The following SKIC2 variants were observed in gnomAD, a reference collection of about 807,000 sequenced individuals.
The protein encoded by SKIC2 is SKI2 subunit of superkiller complex.
At chr6:31,959,689 A>G in the SKIC2 span, 1 of 550,590 alleles carries the variant, frequency 1.8e-6, no homozygotes, top group Non-Finnish European at 3.2e-6. Context: ...GACTGAGATG[A>G]TAGGCTTTGA....
chr6:31,965,855 C>A, the SKIC2 span: 1 of 1,612,730 alleles, frequency 6.2e-7, no homozygotes, highest in South Asian at 1.1e-5. This position sits in a 1 kb window ranked among gnomAD's most constrained non-coding sequence, Gnocchi z 5.6. Flanking sequence ...TGACTCCATG[C>A]GCAAACACGA....
the SKIC2 span, chr6:31,961,773 C>T: frequency 2.6e-6 from 4 of 1,549,792 alleles, no homozygotes; most frequent in Non-Finnish European, 1.8e-6. Flanking sequence ...TCAGATCCAT[C>T]CCAGGCCAGT....
chr6:31,969,474 C>A, the SKIC2 span: 4 of 1,613,408 alleles, frequency 2.5e-6, no homozygotes, highest in Non-Finnish European at 3.4e-6. This position sits in a 1 kb window ranked among gnomAD's most constrained non-coding sequence, Gnocchi z 6.1. Context: ...AGAACCTGCC[C>A]AGGCTGAGTG....
At chr6:31,962,595 G>A in the SKIC2 span, 2 of 1,611,622 alleles carry the variant, frequency 1.2e-6, no homozygotes, top group South Asian at 2.2e-5. The surrounding 1 kb of genome is among the most constrained non-coding windows in gnomAD (Gnocchi z 5.0). Flanking sequence ...GGTGAGAGAT[G>A]GACACTCAAT....
the SKIC2 span, chr6:31,960,619 G>A: frequency 2.1e-5 from 33 of 1,581,776 alleles, no homozygotes; most frequent in Non-Finnish European, 2.3e-5. Flanking sequence ...CACCTATCTC[G>A]TATTACCCTC....
the SKIC2 span, chr6:31,959,276 A>G: frequency 6.2e-7 from 1 of 1,608,028 alleles, no homozygotes; most frequent in Non-Finnish European, 8.5e-7. Flanking sequence ...TTGACCCCTG[A>G]CTTTTGACCT....
At chr6:31,966,914 G>A in the SKIC2 span, 1 of 1,613,006 alleles carries the variant, frequency 6.2e-7, no homozygotes, top group Non-Finnish European at 8.5e-7. This position sits in a 1 kb window ranked among gnomAD's most constrained non-coding sequence, Gnocchi z 5.9. Context: ...GAATAGGTAG[G>A]CATCCAGAGG....
the SKIC2 span, chr6:31,967,447 G>A: frequency 4.8e-6 from 6 of 1,258,322 alleles, no homozygotes; most frequent in Non-Finnish European, 7.0e-6. The surrounding 1 kb of genome is among the most constrained non-coding windows in gnomAD (Gnocchi z 4.9). Context: ...TTCCCCACTT[G>A]GCCAGGGCAG....
the SKIC2 span, chr6:31,964,308 T>C: frequency 6.2e-7 from 1 of 1,612,960 alleles, no homozygotes; most frequent in East Asian, 2.2e-5. This position sits in a 1 kb window ranked among gnomAD's most constrained non-coding sequence, Gnocchi z 5.0. Context: ...CTCAAGGAGA[T>C]CGTGGAGATG....
At chr6:31,960,984 T>C in the SKIC2 span, 10 of 1,251,060 alleles carry the variant, frequency 8.0e-6, no homozygotes, top group African/African-American at 4.5e-5. Context: ...GTTTATATAA[T>C]GTACACAATT....
the SKIC2 span, chr6:31,960,373 G>A: frequency 6.3e-7 from 1 of 1,598,320 alleles, no homozygotes; most frequent in Non-Finnish European, 8.6e-7. Context: ...CAGTTGGGGA[G>A]AAGGGGAGGT....
chr6:31,961,998 A>G, the SKIC2 span: 6 of 1,613,022 alleles, frequency 3.7e-6, no homozygotes, highest in Middle Eastern at 1.6e-4. Context: ...ACACATCTGC[A>G]GGAAAAACAG....
the SKIC2 span, chr6:31,969,006 G>C: frequency 1.9e-6 from 3 of 1,612,874 alleles, no homozygotes; most frequent in East Asian, 6.7e-5. The surrounding 1 kb of genome is among the most constrained non-coding windows in gnomAD (Gnocchi z 6.1). Flanking sequence ...CCTGCGGCCT[G>C]AGGAGATTGC....
chr6:31,965,899 G>C, the SKIC2 span: 1 of 1,613,076 alleles, frequency 6.2e-7, no homozygotes, highest in African/African-American at 1.3e-5. The surrounding 1 kb of genome is among the most constrained non-coding windows in gnomAD (Gnocchi z 5.6). Flanking sequence ...TCCCTGGGGA[G>C]TATGTGCAGA....
the SKIC2 span, chr6:31,966,756 G>T: frequency 1.2e-6 from 2 of 1,614,164 alleles, no homozygotes; most frequent in Non-Finnish European, 8.5e-7. This position sits in a 1 kb window ranked among gnomAD's most constrained non-coding sequence, Gnocchi z 5.9. Context: ...CGTACACTAT[G>T]ATCCTCAACT....
chr6:31,966,740 G>T, the SKIC2 span: 2 of 1,614,112 alleles, frequency 1.2e-6, no homozygotes, highest in Non-Finnish European at 1.7e-6. The surrounding 1 kb of genome is among the most constrained non-coding windows in gnomAD (Gnocchi z 5.9). Flanking sequence ...TCCCAGTTCC[G>T]CCTCACGTAC....
the SKIC2 span, chr6:31,960,061 C>T: frequency 6.2e-7 from 1 of 1,613,112 alleles, no homozygotes; most frequent in Non-Finnish European, 8.5e-7. Context: ...AGAAGCAGAA[C>T]AGTTGTTTCT....
chr6:31,961,725 C>A, the SKIC2 span: 1 of 1,590,182 alleles, frequency 6.3e-7, no homozygotes, highest in Non-Finnish European at 8.6e-7. Flanking sequence ...CTGGGTCACA[C>A]TCCCAGCCGA....
the SKIC2 span, chr6:31,963,963 G>T: frequency 6.2e-7 from 1 of 1,612,116 alleles, no homozygotes; most frequent in South Asian, 1.1e-5. The surrounding 1 kb of genome is among the most constrained non-coding windows in gnomAD (Gnocchi z 5.3). Flanking sequence ...CACGTGCCCA[G>T]TTGCCCGTGG....
Sources: allele counts gnomAD v4.1 joint callset, GRCh38; gene constraint gnomAD v4.1.1; non-coding constraint Gnocchi (gnomAD v3.1); transcripts MANE v1.5; gene names NCBI Gene and HGNC (gene_info 2026-07-23, HGNC 2026-07-21).